Variants in VWF observed in about 807,000 individuals in gnomAD.
VWF encodes the protein von Willebrand factor, also known as Factor VIII related antigen.
A neutral mutation model predicts 308.6 loss-of-function variants in VWF; 176 were observed. The ratio of observed to expected loss-of-function variants is 0.57; its 90% CI spans 0.50 to 0.65. The LOEUF (loss-of-function observed/expected upper bound fraction) is 0.65. Ranked by LOEUF, VWF falls within the 30% of genes least tolerant of loss-of-function variation. The probability of loss-of-function intolerance (pLI) is 0.00; values close to 1 mark genes in which losing one functional copy is unlikely to be tolerated. For synonymous variants in VWF, 1,385 were observed against 1,443.4 expected (o/e 0.96, Z 0.92); for missense variants, 3,146 against 3,648.2 (o/e 0.86, Z 3.55).
chr12:5,956,834 A>G (rs1943257197), intron 47 of VWF, among the ~76,000 whole-genome samples: 2 of 152,310 alleles, frequency 1.3e-5, no homozygotes, highest in South Asian at 2.1e-4. Flanking sequence ...ACAGTGAGCT[A>G]AAGTTAATTT....
intron 38 of VWF, among the ~76,000 whole-genome samples, chr12:5,987,966 C>T (rs1213566234): frequency 1.3e-5 from 2 of 152,054 alleles, no homozygotes; most frequent in Non-Finnish European, 2.9e-5. Flanking sequence ...TAAATATGTG[C>T]TGTTTGTGGC....
intron 20 of VWF, among the ~76,000 whole-genome samples, chr12:6,032,616 T>C (rs570121974): frequency 2.4e-4 from 37 of 151,354 alleles, no homozygotes; most frequent in African/African-American, 7.8e-4. Flanking sequence ...CCAGCCTGGG[T>C]GACAGAGCGA....
rs945273979 is a variant in VWF at position 6,041,248 on chromosome 12, G to A, written c.2442+3043C>T. 1.3e-4 allele frequency among the ~76,000 whole-genome samples: 19 copies of A among 151,852 alleles called. No homozygotes were observed. The South Asian group carries it at 3.1e-3, about 25-fold the overall frequency. ...AGTTCGAGACCAGCCTGGCCAACAC[G>A]GCAAAACCCCATCTCTACTAAAAAT... On this transcript the variant is annotated intron_variant, in intron 18 of 51. Coordinates refer to ENST00000261405, the MANE Select transcript of VWF (RefSeq NM_000552.5).
At chr12:6,104,865 A>C (rs1271470323) in intron 5 of VWF, among the ~76,000 whole-genome samples, 1 of 152,210 alleles carries the variant, frequency 6.6e-6, no homozygotes, top group Non-Finnish European at 1.5e-5. Flanking sequence ...GCCCATCAAC[A>C]GATGATTAGA....
chr12:6,006,274 G>C (rs1943925787), intron 34 of VWF, among the ~76,000 whole-genome samples: 6 of 151,944 alleles, frequency 3.9e-5, no homozygotes. Context: ...AATGAGGAAG[G>C]AGTCAAATCT....
At chr12:6,120,982 C>T (rs908523919) in intron 3 of VWF, among the ~76,000 whole-genome samples, 192 bp downstream of exon 3, 3 of 152,214 alleles carry the variant, frequency 2.0e-5, no homozygotes, top group Admixed American at 6.5e-5. Flanking sequence ...CCATCCCACC[C>T]GGCTCCCGTG....
rs1383968662 is a variant in VWF at position 5,993,896 on chromosome 12, C to T, written c.6564G>A (p.Gly2188=). 1.9e-6 allele frequency: 3 copies of T among 1,613,698 alleles called. No individual in the cohort carries two copies. The highest frequency in any genetic ancestry group is 1.1e-5 in the South Asian group (1 of 91,056). ...CAGGTGTCCTCCAGTCAACGCAGAC[C>T]CCGTTGGTCCGACAGAGGTGGGCAT... ...ASYAHLCRTN[G]VCVDWRTPDF... Residue 2188 remains glycine, a synonymous_variant, in exon 37 of 52, where the codon GGG becomes GGA. Coordinates refer to ENST00000261405, the MANE Select transcript of VWF (RefSeq NM_000552.5).
chr12:6,110,693 T>C, intron 4 of VWF, 111 bp from the exon 5 acceptor site: 2 of 1,363,734 alleles, frequency 1.5e-6, no homozygotes, highest in Non-Finnish European at 2.1e-6. Flanking sequence ...TGGTGCAAAG[T>C]GGCTGAGGAC....
At chr12:5,979,295 T>C (rs978123214) in intron 42 of VWF, among the ~76,000 whole-genome samples, 3 of 152,214 alleles carry the variant, frequency 2.0e-5, no homozygotes, top group Non-Finnish European at 2.9e-5. Flanking sequence ...ATCAGTATGA[T>C]AGAAGTAGAG....
At chr12:5,974,503 G>A (rs1453240381) in intron 43 of VWF, among the ~76,000 whole-genome samples, 2 of 152,128 alleles carry the variant, frequency 1.3e-5, no homozygotes, top group Non-Finnish European at 2.9e-5. Flanking sequence ...CCCAATAGTT[G>A]ACTGGACCAG....
rs1185598835 is a variant in VWF, at chr12:6,020,465, C to T, written c.3675-722G>A. Among the ~76,000 whole-genome samples the T allele has an allele frequency of 6.6e-6, 1 of 152,232 alleles. No homozygotes were observed. Among genetic ancestry groups the T allele is most frequent in the Non-Finnish European group, 1.5e-5 (1 of 68,046 alleles). Reference sequence around the variant, plus strand: ...TCTCATGTGCCAGGTACTGGCCAGGCTCTGTGCCCAGCCCCAAGCACACAC... The same window carrying T: ...TCTCATGTGCCAGGTACTGGCCAGGTTCTGTGCCCAGCCCCAAGCACACAC... On this transcript the variant is annotated intron_variant, in intron 27 of 51. Coordinates refer to ENST00000261405, the MANE Select transcript of VWF (RefSeq NM_000552.5). The surrounding 1 kb of genome is among the most constrained non-coding windows in gnomAD (Gnocchi z 4.3).
chr12:5,990,602 C>T (rs1943728271), intron 38 of VWF, among the ~76,000 whole-genome samples: 1 of 152,000 alleles, frequency 6.6e-6, no homozygotes, highest in African/African-American at 2.4e-5. Context: ...GAGTGCAGTC[C>T]ATGATCACAA....
chr12:6,045,486 C>T (rs1944437781), intron 17 of VWF, among the ~76,000 whole-genome samples: 2 of 152,172 alleles, frequency 1.3e-5, no homozygotes, highest in Non-Finnish European at 2.9e-5. Flanking sequence ...CAGAATGCAA[C>T]AGAGAGTGGG....
At chr12:6,092,882 TGCC>T in intron 6 of VWF, among the ~76,000 whole-genome samples, 1 of 152,122 alleles carries the variant, frequency 6.6e-6, no homozygotes, top group Middle Eastern at 3.4e-3. Flanking sequence ...TATATGCAAA[TGCC>T]TCCTCCCATT....
chr12:5,983,930 T>C (rs373922327), intron 40 of VWF, among the ~76,000 whole-genome samples: 4 of 150,854 alleles, frequency 2.7e-5, no homozygotes, highest in Non-Finnish European at 4.4e-5. Context: ...ATAGGTTAGA[T>C]AGAGATAGGA....
intron 2 of VWF, among the ~76,000 whole-genome samples, chr12:6,122,137 G>A (rs1249737077): frequency 2.0e-5 from 3 of 152,092 alleles, no homozygotes; most frequent in African/African-American, 7.2e-5. Context: ...TCAATAGATT[G>A]TAAACAATTT....
chr12:6,013,455 A>C (rs1163280250), intron 32 of VWF, 26 bp downstream of exon 32: 1 of 1,613,902 alleles, frequency 6.2e-7, no homozygotes, highest in Non-Finnish European at 8.5e-7. Flanking sequence ...TTTTGAGGGA[A>C]GTAAGAAAGG....
chr12:6,063,259 C>T lies in VWF; in HGVS notation c.1433-205G>A, dbSNP rs1036150792. ...GGTGGACAGAGCGCAAATAGGGTCC[C>T]CCAGGAAGAAGCCTCTGCACCCCCC... On this transcript the variant is annotated intron_variant, in intron 12 of 51. Transcript: ENST00000261405. This position sits in a 1 kb window ranked among gnomAD's most constrained non-coding sequence, Gnocchi z 4.9. Among the ~76,000 whole-genome samples the T allele has an allele frequency of 4.6e-5, 7 of 152,126 alleles. No homozygotes were observed. The highest frequency in any genetic ancestry group is 9.7e-5 in the African/African-American group (4 of 41,388).
intron 34 of VWF, among the ~76,000 whole-genome samples, chr12:6,000,705 G>C (rs577568789): frequency 0.013 from 1,971 of 150,932 alleles, 44 homozygotes; most frequent in African/African-American, 0.043. Flanking sequence ...CCAGCTACTC[G>C]GGAGGCTGAG....
Sources: allele counts gnomAD v4.1 joint callset (sites outside exome capture counted in the v4.1 genomes callset), GRCh38; gene constraint gnomAD v4.1.1; non-coding constraint Gnocchi (gnomAD v3.1); transcripts MANE v1.5; gene names NCBI Gene and HGNC (gene_info 2026-07-23, HGNC 2026-07-21).